TENM1: variants seen among roughly 807,000 people sequenced by gnomAD.
The protein encoded by TENM1 is teneurin-1.
TENM1 carries 35 observed loss-of-function variants against 174.8 expected under a neutral mutation model. That is an observed-to-expected ratio of 0.20 (90% CI 0.15 to 0.27). The LOEUF is 0.27. Among genes scored for constraint, TENM1 ranks in the 10% least tolerant of loss-of-function variants. The probability of loss-of-function intolerance (pLI) is 1.00; values close to 1 mark genes in which losing one functional copy is unlikely to be tolerated. For synonymous variants in TENM1, 781 were observed against 798.7 expected (o/e 0.98, Z 0.37); for missense variants, 1,633 against 2,130.1 (o/e 0.77, Z 4.59).
chrX:125,165,851 G>A, the TENM1 span, among the ~76,000 whole-genome samples: 5 of 111,364 alleles, frequency 4.5e-5, no homozygotes, highest in African/African-American at 6.5e-5. Flanking sequence ...AAACAGCCGC[G>A]ATTCTTGCCA....
chrX:125,007,243 A>G, the TENM1 span, among the ~76,000 whole-genome samples: 2 of 111,692 alleles, frequency 1.8e-5, no homozygotes, highest in South Asian at 3.8e-4. Context: ...ACAAGTATCA[A>G]TAGCCGGACT....
the TENM1 span, among the ~76,000 whole-genome samples, chrX:125,062,366 T>A: frequency 1.8e-5 from 2 of 111,762 alleles, no homozygotes. Flanking sequence ...CCGTATTTTT[T>A]AAATGGTGAT....
intron 23 of TENM1, among the ~76,000 whole-genome samples, chrX:124,435,888 C>T (rs1297233416): frequency 9.0e-6 from 1 of 111,475 alleles, no homozygotes; most frequent in Middle Eastern, 4.6e-3. Context: ...AGGAAGCATG[C>T]GGGCTATAGA....
At chrX:125,180,503 T>C in the TENM1 span, among the ~76,000 whole-genome samples, 1 of 104,616 alleles carries the variant, frequency 9.6e-6, no homozygotes, top group East Asian at 3.0e-4. Context: ...AGACCCTATC[T>C]CTAAAAAAAT....
At chrX:124,995,138 T>C in the TENM1 span, among the ~76,000 whole-genome samples, 4,152 of 110,776 alleles carry the variant, frequency 0.037, 186 homozygotes, top group African/African-American at 0.13. Context: ...CTCCTTTGCT[T>C]AGTTTACTAA....
At chrX:124,573,533 T>C (rs1044828817) in intron 11 of TENM1, among the ~76,000 whole-genome samples, 1 of 112,011 alleles carries the variant, frequency 8.9e-6, no homozygotes, top group Non-Finnish European at 1.9e-5. Context: ...AAAAAACAAC[T>C]GTCTTTAGAA....
intron 3 of TENM1, among the ~76,000 whole-genome samples, chrX:124,799,541 G>A (rs901473739): frequency 3.6e-5 from 4 of 111,052 alleles, no homozygotes; most frequent in African/African-American, 1.3e-4. Context: ...GGATCACACT[G>A]TCTGCAAACA....
chrX:124,812,595 T>A (rs1353275386), intron 3 of TENM1, among the ~76,000 whole-genome samples: 1 of 110,802 alleles, frequency 9.0e-6, no homozygotes, highest in East Asian at 2.8e-4. Context: ...GAAACAGAGA[T>A]CACAATAAAA....
rs561004881 is a variant in TENM1 at position 124,410,655 on chromosome X, G to A, written c.4983-4166C>T. Among the ~76,000 whole-genome samples, 28 of 111,594 alleles carry A rather than the reference G, an allele frequency of 2.5e-4. 1 individual carries two copies. In the South Asian group the frequency reaches 8.8e-3, roughly 35 times the overall value. On this transcript the variant is annotated intron_variant, in intron 25 of 31. Transcript: ENST00000422452. ...AGGGCTAATATCCAGAATCTACAAC[G>A]AACCCCAACAAATTTACAAGAAAAA...
intron 3 of TENM1, among the ~76,000 whole-genome samples, chrX:124,755,354 C>G (rs368561422): frequency 2.4e-4 from 27 of 111,241 alleles, no homozygotes; most frequent in East Asian, 2.0e-3. Flanking sequence ...GATCTTCCTC[C>G]ATCCTTTTAT....
chrX:124,382,164 ATG>A (rs1486574928), intron 31 of TENM1, among the ~76,000 whole-genome samples: 3 of 111,774 alleles, frequency 2.7e-5, no homozygotes, highest in Non-Finnish European at 5.7e-5. Flanking sequence ...TGAATCTTAA[ATG>A]TTTTGATGTT....
At chrX:124,829,635 T>G (rs1259542058) in intron 3 of TENM1, among the ~76,000 whole-genome samples, 1 of 112,075 alleles carries the variant, frequency 8.9e-6, no homozygotes, top group Non-Finnish European at 1.9e-5. Flanking sequence ...CTCAGGGGCA[T>G]AGTATACATA....
chrX:124,491,183 TG>T (rs1162197763), intron 20 of TENM1, among the ~76,000 whole-genome samples: 3 of 112,113 alleles, frequency 2.7e-5, no homozygotes, highest in African/African-American at 9.7e-5. Context: ...AATTTTCTAA[TG>T]GAGCAGTCCA....
chrX:124,953,642 T>A (rs755193921), intron 1 of TENM1, among the ~76,000 whole-genome samples: 1 of 111,592 alleles, frequency 9.0e-6, no homozygotes, highest in Admixed American at 9.6e-5. Flanking sequence ...GCTGAAGTAA[T>A]TTAAAAGGAG....
intron 1 of TENM1, among the ~76,000 whole-genome samples, chrX:124,901,785 A>C (rs2147602951): frequency 8.9e-6 from 1 of 111,793 alleles, no homozygotes; most frequent in African/African-American, 3.2e-5. Flanking sequence ...TATTTTTTCT[A>C]AAATTCTACC....
At chrX:124,401,113 G>A (rs974790791) in intron 27 of TENM1, among the ~76,000 whole-genome samples, 7 of 111,261 alleles carry the variant, frequency 6.3e-5, no homozygotes, top group African/African-American at 2.3e-4. Flanking sequence ...CCTTAAAAAG[G>A]ATCCTGACGT....
chrX:124,900,100 T>TA (rs1474151401), intron 1 of TENM1, among the ~76,000 whole-genome samples: 1 of 112,555 alleles, frequency 8.9e-6, no homozygotes. Flanking sequence ...AAGTTGTTCA[T>TA]ACCAGCTTTA....
intron 4 of TENM1, among the ~76,000 whole-genome samples, chrX:124,731,147 G>A (rs1357876857): frequency 1.8e-5 from 2 of 111,084 alleles, no homozygotes; most frequent in African/African-American, 3.3e-5. Flanking sequence ...AAATGAGCCT[G>A]AGGCTTGAGA....
At chrX:124,538,546 G>A (rs972486546) in intron 15 of TENM1, among the ~76,000 whole-genome samples, 6 of 111,463 alleles carry the variant, frequency 5.4e-5, no homozygotes, top group East Asian at 2.8e-4. Context: ...AGCAATTGTC[G>A]CACTGTGTAT....
Sources: gnomAD v4.1 joint callset for allele counts (sites outside exome capture counted in the v4.1 genomes callset) on GRCh38, gnomAD v4.1.1 for gene constraint, MANE v1.5 for transcripts, NCBI Gene and HGNC (gene_info 2026-07-23, HGNC 2026-07-21) for gene names.